Variants in TMCC1 observed in about 807,000 individuals in gnomAD.
TMCC1 encodes the protein transmembrane and coiled-coil domain family 1, also known as transmembrane and coiled-coil domains protein 1.
Under a neutral mutation model 52.4 loss-of-function variants are expected in TMCC1, and 15 were observed. That is an observed-to-expected ratio of 0.29 (90% CI 0.19 to 0.44). The LOEUF (loss-of-function observed/expected upper bound fraction) is 0.44, where lower values mean the gene tolerates loss of function less well. Ranked by LOEUF, TMCC1 falls within the 20% of genes least tolerant of loss-of-function variation. The pLI is 1.00. For synonymous variants in TMCC1, 279 were observed against 301.9 expected (o/e 0.92, Z 0.79); for missense variants, 503 against 806.0 (o/e 0.62, Z 4.55).
intron 4 of TMCC1, among the ~76,000 whole-genome samples, chr3:129,813,062 A>G (rs1365037236): frequency 2.0e-5 from 3 of 152,154 alleles, no homozygotes; most frequent in Non-Finnish European, 2.9e-5. Flanking sequence ...ATGAAAAAAT[A>G]CTCAACATCA....
chr3:129,684,598 C>T (rs772825879), intron 4 of TMCC1, among the ~76,000 whole-genome samples: 5 of 152,074 alleles, frequency 3.3e-5, no homozygotes, highest in African/African-American at 4.8e-5. Context: ...GAGAACAAGG[C>T]GAGTTGTGGA....
rs555555790 is a variant in TMCC1 at position 129,718,044 on chromosome 3, T to C, written c.577-46780A>G. Among the ~76,000 whole-genome samples, 5 of 152,230 alleles carry C rather than the reference T, an allele frequency of 3.3e-5. No homozygotes were observed. In the South Asian group the frequency reaches 8.3e-4, roughly 25 times the overall value. On this transcript the variant is annotated intron_variant, in intron 4 of 6. Coordinates refer to ENST00000393238, the MANE Select transcript of TMCC1 (RefSeq NM_001017395.5). ...AAATATTTTGGAGATTTGAAACAAT[T>C]TGGGAAAAAATGGCAAATTGCATAA...
intron 4 of TMCC1, among the ~76,000 whole-genome samples, chr3:129,798,242 C>A (rs1187454880): frequency 1.3e-5 from 2 of 151,814 alleles, no homozygotes; most frequent in African/African-American, 4.8e-5. Flanking sequence ...GTGATCCGCC[C>A]GCTCAGCCTC....
At chr3:129,788,310 T>A (rs1300205625) in intron 4 of TMCC1, among the ~76,000 whole-genome samples, 1 of 152,214 alleles carries the variant, frequency 6.6e-6, no homozygotes, top group African/African-American at 2.4e-5. Flanking sequence ...TTAAATGGCA[T>A]CAATATCATG....
At chr3:129,838,911 G>A (rs1452790831) in intron 2 of TMCC1, among the ~76,000 whole-genome samples, 1 of 152,000 alleles carries the variant, frequency 6.6e-6, no homozygotes, top group African/African-American at 2.4e-5. Context: ...CAGAAACTTC[G>A]TAAGACAGTG....
intron 4 of TMCC1, among the ~76,000 whole-genome samples, chr3:129,783,943 A>C (rs1327223450): frequency 6.6e-6 from 1 of 152,206 alleles, no homozygotes; most frequent in African/African-American, 2.4e-5. Context: ...ATTGGCAGAG[A>C]CTACAATATT....
intron 5 of TMCC1, among the ~76,000 whole-genome samples, chr3:129,665,657 GGCTTTCAA>G (rs2108873468): frequency 6.6e-6 from 1 of 152,200 alleles, no homozygotes; most frequent in Admixed American, 6.5e-5. Context: ...CAGAGAGCTA[GGCTTTCAA>G]CCATATAGAT....
chr3:129,840,318 A>C (rs1307127899), intron 2 of TMCC1, among the ~76,000 whole-genome samples: 2 of 77,562 alleles, frequency 2.6e-5, no homozygotes, highest in Non-Finnish European at 4.5e-5. Context: ...CAGAGTGAGA[A>C]CCTGTCTCAA....
chr3:129,716,326 CA>C (rs2049095319), intron 4 of TMCC1, among the ~76,000 whole-genome samples: 6 of 132,408 alleles, frequency 4.5e-5, no homozygotes, highest in Admixed American at 9.1e-5. Context: ...CTACACCTGG[CA>C]AATTTTTTTT....
At chr3:129,796,880 A>G (rs1009954462) in intron 4 of TMCC1, among the ~76,000 whole-genome samples, 3 of 152,202 alleles carry the variant, frequency 2.0e-5, no homozygotes, top group Non-Finnish European at 4.4e-5. Context: ...AAAATCATGT[A>G]GTGTTTGTAA....
intron 5 of TMCC1, among the ~76,000 whole-genome samples, chr3:129,667,905 G>A (rs537742433): frequency 2.0e-5 from 3 of 152,184 alleles, no homozygotes; most frequent in African/African-American, 7.2e-5. Flanking sequence ...TAGAGGAGTT[G>A]ACGGGGTATG....
chr3:129,785,928 AC>A (rs1185182874), intron 4 of TMCC1, among the ~76,000 whole-genome samples: 18 of 87,736 alleles, frequency 2.1e-4, no homozygotes, highest in Non-Finnish European at 3.4e-4. Context: ...ACTTACCCTC[AC>A]CCCCTTTTTT....
intron 1 of TMCC1, chr3:129,893,110 G>C (rs2062050256): frequency 6.6e-6 from 1 of 152,356 alleles, no homozygotes; most frequent in Non-Finnish European, 1.5e-5. Flanking sequence ...TAAAACCCCA[G>C]ATTCCGACGG....
intron 4 of TMCC1, among the ~76,000 whole-genome samples, chr3:129,787,335 A>G (rs1171453165): frequency 6.6e-6 from 1 of 152,182 alleles, no homozygotes; most frequent in Non-Finnish European, 1.5e-5. Context: ...TTCTTCTCAC[A>G]CTAAATTTCC....
intron 2 of TMCC1, among the ~76,000 whole-genome samples, chr3:129,837,108 C>T (rs1258819686): frequency 2.6e-5 from 4 of 152,056 alleles, no homozygotes; most frequent in East Asian, 1.9e-4. Flanking sequence ...TAAATGCAGG[C>T]GGAAAGAGCT....
rs922127929 is a variant in TMCC1, at chr3:129,736,741, C to G, written c.577-65477G>C. Reference sequence around the variant, plus strand: ...TTCACTGTGTTGGTCAGGCTGGTCTCGAACTCCTGACCTCATGATCCACCT... The same window carrying G: ...TTCACTGTGTTGGTCAGGCTGGTCTGGAACTCCTGACCTCATGATCCACCT... On this transcript the variant is annotated intron_variant, in intron 4 of 6. Transcript: ENST00000393238. Among the ~76,000 whole-genome samples the G allele has an allele frequency of 9.9e-5, 15 of 151,966 alleles. No homozygotes were observed. The South Asian group carries it at 2.7e-3, about 27-fold the overall frequency.
chr3:129,686,031 C>T (rs1346559683), intron 4 of TMCC1, among the ~76,000 whole-genome samples: 1 of 152,174 alleles, frequency 6.6e-6, no homozygotes, highest in Admixed American at 6.5e-5. Flanking sequence ...CTGCTACCAC[C>T]TTATGATGAA....
chr3:129,861,229 A>G (rs2060381726), intron 2 of TMCC1, among the ~76,000 whole-genome samples: 1 of 152,122 alleles, frequency 6.6e-6, no homozygotes, highest in African/African-American at 2.4e-5. Flanking sequence ...TCATGAGGTC[A>G]GGAGATCAAG....
intron 4 of TMCC1, among the ~76,000 whole-genome samples, chr3:129,687,299 GA>G (rs1191968606): frequency 6.6e-6 from 1 of 151,744 alleles, no homozygotes; most frequent in African/African-American, 2.4e-5. Context: ...TTAATGTTTA[GA>G]AAAAAAACAT....
Sources: allele counts gnomAD v4.1 joint callset (sites outside exome capture counted in the v4.1 genomes callset), GRCh38; gene constraint gnomAD v4.1.1; transcripts MANE v1.5; gene names NCBI Gene and HGNC (gene_info 2026-07-23, HGNC 2026-07-21).